The following VSTM5 variants were observed in gnomAD, a reference collection of about 807,000 sequenced individuals.
VSTM5 encodes the protein V-set and transmembrane domain-containing protein 5.
VSTM5 carries 21 observed loss-of-function variants against 20.3 expected under a neutral mutation model. The observed-to-expected ratio is 1.03, with a 90% CI of 0.73 to 1.49. VSTM5 has a LOEUF of 1.49. VSTM5 is among the 40% of genes most tolerant of loss of function. The probability of loss-of-function intolerance (pLI) is 0.00; values close to 1 mark genes in which losing one functional copy is unlikely to be tolerated. For missense variants in VSTM5, 219 were observed against 250.0 expected (o/e 0.88, Z 0.84); for synonymous variants, 100 against 102.5 (o/e 0.98, Z 0.14).
At chr11:93,826,886 TC>T (rs771305491) in intron 1 of VSTM5, among the ~76,000 whole-genome samples, 1 of 152,194 alleles carries the variant, frequency 6.6e-6, no homozygotes, top group Non-Finnish European at 1.5e-5. Flanking sequence ...GTGAGAATTT[TC>T]CAATTTTACT....
chr11:93,848,073 AG>A (rs2135741858), intron 1 of VSTM5, among the ~76,000 whole-genome samples: 1 of 152,200 alleles, frequency 6.6e-6, no homozygotes, highest in South Asian at 2.1e-4. Context: ...ATCACATTGG[AG>A]GTTAGGGCTT....
At chr11:93,840,149 G>A (rs574288023) in intron 1 of VSTM5, among the ~76,000 whole-genome samples, 1 of 152,180 alleles carries the variant, frequency 6.6e-6, no homozygotes, top group East Asian at 1.9e-4. Context: ...AATTTCTGTT[G>A]TATAAGCCAC....
At chr11:93,849,982 T>TGGAG (rs1258334414) in intron 1 of VSTM5, among the ~76,000 whole-genome samples, 1 of 152,246 alleles carries the variant, frequency 6.6e-6, no homozygotes, top group Non-Finnish European at 1.5e-5. Context: ...AGGAAGGCCA[T>TGGAG]GGAGGGGTCC....
chr11:93,838,770 C>T (rs931381324), intron 1 of VSTM5, among the ~76,000 whole-genome samples: 25 of 152,166 alleles, frequency 1.6e-4, no homozygotes, highest in Admixed American at 1.3e-4. Flanking sequence ...TGCTCTCCAG[C>T]CTGGGTGACA....
intron 1 of VSTM5, among the ~76,000 whole-genome samples, chr11:93,836,721 G>T (rs1944325908): frequency 6.6e-6 from 1 of 152,126 alleles, no homozygotes; most frequent in Admixed American, 6.5e-5. Flanking sequence ...CACTTGTGTG[G>T]GTATTTGACA....
Position 93,829,256 on chromosome 11 carries a change from G to A in VSTM5, c.92-7933C>T, listed in dbSNP as rs116362146. ...AAACCAACAGAGTTGATCACTTGTG[G>A]TGGCTCACGCCTGTAATCCCAGCAT... On this transcript the variant is annotated intron_variant, in intron 1 of 3. Coordinates refer to ENST00000409977, the MANE Select transcript of VSTM5 (RefSeq NM_001144871.2). 4.4e-3 allele frequency among the ~76,000 whole-genome samples: 671 copies of A among 152,314 alleles called. 9 individuals carry two copies. Among genetic ancestry groups the A allele is most frequent in the African/African-American group, 0.015 (623 of 41,572 alleles).
rs1944403169 is a variant in VSTM5 at position 93,845,042 on chromosome 11, G to A, written c.91+5370C>T. Among the ~76,000 whole-genome samples, 2 of 66,668 alleles carry A rather than the reference G, an allele frequency of 3.0e-5. 1 individual carries two copies. Among genetic ancestry groups the A allele is most frequent in the Admixed American group, 2.7e-4 (2 of 7,458 alleles). 43.7% of individuals were successfully genotyped at this position (66,668 alleles called of 152,430 possible). ...AACGTTGGGTGTTCTGAGAACAGCAGGAGGGAGATGTGCTGAACCAGCTGT... is the reference window on the plus strand; with the variant it reads ...AACGTTGGGTGTTCTGAGAACAGCAAGAGGGAGATGTGCTGAACCAGCTGT... On this transcript the variant is annotated intron_variant, in intron 1 of 3. Transcript: ENST00000409977.
At chr11:93,826,487 T>A (rs964565404) in intron 1 of VSTM5, among the ~76,000 whole-genome samples, 8 of 151,934 alleles carry the variant, frequency 5.3e-5, no homozygotes, top group African/African-American at 1.9e-4. Context: ...AAGCTCCACC[T>A]CCCGGGTTCG....
chr11:93,847,416 C>T (rs1483070123), intron 1 of VSTM5, among the ~76,000 whole-genome samples: 2 of 152,230 alleles, frequency 1.3e-5, no homozygotes, highest in East Asian at 1.9e-4. Flanking sequence ...TCCATTCTGG[C>T]TGTGGCATCC....
Position 93,820,579 on chromosome 11 carries a change from A to G in VSTM5, c.593T>C (p.Val198Ala), listed in dbSNP as rs376874244. 6 of 1,551,840 alleles carry G rather than the reference A, an allele frequency of 3.9e-6. No individual in the cohort carries two copies. The East Asian group carries it at 1.2e-4, about 32-fold the overall frequency. The change falls in exon 4 of 4, where the codon GTT becomes GCT. Residue 198 changes from valine to alanine, a missense_variant. Coordinates refer to ENST00000409977, the MANE Select transcript of VSTM5 (RefSeq NM_001144871.2). ...STTEEIELED[V>A]EC ...CAGGCCCAGCCTTGGCTAACACTCA[A>G]CATCTTCCAGCTCAATCTCCTCAGT...
chr11:93,832,999 G>A (rs929191070), intron 1 of VSTM5, among the ~76,000 whole-genome samples: 5 of 152,150 alleles, frequency 3.3e-5, no homozygotes, highest in African/African-American at 9.7e-5. Flanking sequence ...TCTAGACCTG[G>A]GCTGTTCAAT....
chr11:93,825,701 A>AT (rs1384610490), intron 1 of VSTM5, among the ~76,000 whole-genome samples: 1 of 149,306 alleles, frequency 6.7e-6, no homozygotes. Context: ...ATATTTTATT[A>AT]TTTTTGATTT....
chr11:93,840,561 T>G (rs1349411231), intron 1 of VSTM5, among the ~76,000 whole-genome samples: 1 of 152,198 alleles, frequency 6.6e-6, no homozygotes, highest in African/African-American at 2.4e-5. Flanking sequence ...AATGGACTAT[T>G]TCTGGCATCA....
intron 1 of VSTM5, among the ~76,000 whole-genome samples, chr11:93,823,542 A>C (rs1944207246): frequency 6.6e-6 from 1 of 152,064 alleles, no homozygotes; most frequent in South Asian, 2.1e-4. Context: ...CTTCTTCCCC[A>C]CTGGCCCCAG....
chr11:93,846,370 G>A (rs961270527), intron 1 of VSTM5, among the ~76,000 whole-genome samples: 1 of 152,214 alleles, frequency 6.6e-6, no homozygotes, highest in Non-Finnish European at 1.5e-5. Context: ...AGACATTTGT[G>A]TGACTTTCCA....
In VSTM5 at chr11:93,820,605, T is replaced by A. The variant is rs747907726; in HGVS notation, c.567A>T (p.Thr189=). The change falls in exon 4 of 4, where the codon ACA becomes ACT. Residue 189 remains threonine, a synonymous_variant. Transcript: ENST00000409977. ...CATCTTCCAGCTCAATCTCCTCAGT[T>A]GTGCTTTCTGTAAAGCAAAGACAAG... ...RKRRHKLKES[T]TEEIELEDVE... is the part of the protein sequence containing the mutation. 81 of 1,551,716 alleles carry A rather than the reference T, an allele frequency of 5.2e-5. No homozygotes were observed. The highest frequency in any genetic ancestry group is 6.9e-5 in the Non-Finnish European group (79 of 1,147,032).
chr11:93,839,368 G>A (rs1944351707), intron 1 of VSTM5, among the ~76,000 whole-genome samples: 2 of 152,320 alleles, frequency 1.3e-5, no homozygotes, highest in East Asian at 3.9e-4. Context: ...CCTGGTTCCA[G>A]GTCTAGGGAG....
intron 1 of VSTM5, among the ~76,000 whole-genome samples, chr11:93,826,466 C>G (rs57707834): frequency 2.6e-5 from 4 of 151,706 alleles, no homozygotes; most frequent in African/African-American, 9.7e-5. Context: ...GGCACGATCT[C>G]AGCTCACTAC....
chr11:93,839,723 T>G (rs894885670), intron 1 of VSTM5, among the ~76,000 whole-genome samples: 6 of 152,214 alleles, frequency 3.9e-5, no homozygotes, highest in African/African-American at 1.4e-4. Flanking sequence ...CATTCAGACC[T>G]GCGCTCTACC....
Sources: allele counts gnomAD v4.1 joint callset (sites outside exome capture counted in the v4.1 genomes callset), GRCh38; gene constraint gnomAD v4.1.1; transcripts MANE v1.5; gene names NCBI Gene and HGNC (gene_info 2026-07-23, HGNC 2026-07-21).